PTPN12: variants seen among roughly 807,000 people sequenced by gnomAD.
PTPN12 encodes the protein protein tyrosine phosphatase non-receptor type 12, also known as tyrosine-protein phosphatase non-receptor type 12.
PTPN12 carries 29 observed loss-of-function variants against 97.6 expected under a neutral mutation model. The ratio of observed to expected loss-of-function variants is 0.30; its 90% CI spans 0.22 to 0.41. PTPN12 has a LOEUF of 0.41. PTPN12 is among the 10% of genes least tolerant of loss of function. The probability of loss-of-function intolerance (pLI) is 1.00; values close to 1 mark genes in which losing one functional copy is unlikely to be tolerated. For synonymous variants in PTPN12, 327 were observed against 300.4 expected, an observed-to-expected ratio of 1.09 and a Z score of -0.91; for missense variants, 819 against 926.0, an observed-to-expected ratio of 0.88 and a Z score of 1.50.
In PTPN12 at chr7:77,561,449, G is replaced by T. The variant is rs190256635; in HGVS notation, c.100-9629G>T. Among the ~76,000 whole-genome samples, 185 of 152,268 alleles carry T rather than the reference G, an allele frequency of 1.2e-3. 1 individual carries two copies. The highest frequency in any genetic ancestry group is 4.4e-3 in the African/African-American group (181 of 41,546). On this transcript the variant is annotated intron_variant, in intron 1 of 17. Coordinates refer to ENST00000248594, the MANE Select transcript of PTPN12 (RefSeq NM_002835.4). ...ATTTTCAGAGGGTGTAGGAGTTAGTGGTTCACCAGGAAGTGTAGTTTCTCT... is the reference window on the plus strand; with the variant it reads ...ATTTTCAGAGGGTGTAGGAGTTAGTTGTTCACCAGGAAGTGTAGTTTCTCT...
chr7:77,600,731 A>G lies in PTPN12; in HGVS notation c.620A>G (p.Asp207Gly), dbSNP rs781708751. Residue 207 changes from aspartate (D) to glycine (G), a missense_variant, in exon 8 of 18, where the codon GAT (aspartate) becomes GGT (glycine). Transcript: ENST00000248594. ...GACCATGATGTTCCTTCATCATTTG[A>G]TTCTATTCTGGACATGATAAGCTTA... ...WPDHDVPSSF[D>G]SILDMISLMR... 2 of 1,611,568 alleles carry G rather than the reference A, an allele frequency of 1.2e-6. No individual in the cohort carries two copies. Among genetic ancestry groups the G allele is most frequent in the South Asian group, 1.1e-5 (1 of 90,940 alleles).
chr7:77,566,083 A>G (rs1468051480), intron 1 of PTPN12, among the ~76,000 whole-genome samples: 2 of 152,240 alleles, frequency 1.3e-5, no homozygotes, highest in Non-Finnish European at 2.9e-5. Flanking sequence ...AAAGCCTTCA[A>G]AAAGGAAATA....
intron 5 of PTPN12, among the ~76,000 whole-genome samples, chr7:77,586,643 G>T (rs1787701900): frequency 6.6e-6 from 1 of 152,172 alleles, no homozygotes; most frequent in Admixed American, 6.6e-5. Context: ...TTTCATGAAA[G>T]ATTGCTCTGT....
chr7:77,547,831 G>A (rs1407513806), intron 1 of PTPN12, among the ~76,000 whole-genome samples: 1 of 152,224 alleles, frequency 6.6e-6, no homozygotes, highest in Non-Finnish European at 1.5e-5. Context: ...AAGACTTGGA[G>A]ATAAACAGAG....
intron 1 of PTPN12, among the ~76,000 whole-genome samples, chr7:77,544,928 T>C (rs573969539): frequency 9.5e-4 from 145 of 152,292 alleles, no homozygotes; most frequent in African/African-American, 3.2e-3. Context: ...CTTCTTCCCC[T>C]CCTACACAGA....
chr7:77,596,213 C>G (rs1562736943), intron 6 of PTPN12, among the ~76,000 whole-genome samples: 2 of 151,920 alleles, frequency 1.3e-5, no homozygotes, highest in African/African-American at 4.8e-5. Context: ...CTTACAAAAG[C>G]AAATTGATGT....
chr7:77,559,733 C>G (rs561863155), intron 1 of PTPN12, among the ~76,000 whole-genome samples: 1 of 151,690 alleles, frequency 6.6e-6, no homozygotes, highest in Non-Finnish European at 1.5e-5. Flanking sequence ...AATTCACTGA[C>G]TATGTGATGT....
At chr7:77,564,776 T>TTTTTTTTTTTTTTTTTTTTTTTTA (rs1808185867) in intron 1 of PTPN12, among the ~76,000 whole-genome samples, 1 of 134,114 alleles carries the variant, frequency 7.5e-6, no homozygotes, top group Non-Finnish European at 1.6e-5. Context: ...TTTTTTTTTT[T>TTTTTTTTTTTTTTTTTTTTTTTTA]GAGACGGAAT....
At chr7:77,569,534 G>T (rs1327751567) in intron 1 of PTPN12, among the ~76,000 whole-genome samples, 4 of 152,152 alleles carry the variant, frequency 2.6e-5, no homozygotes, top group Non-Finnish European at 5.9e-5. Flanking sequence ...ACTTTGGAAG[G>T]CTGAGGCGGG....
At chr7:77,587,695 A>C (rs1371506531) in intron 5 of PTPN12, among the ~76,000 whole-genome samples, 2 of 152,224 alleles carry the variant, frequency 1.3e-5, no homozygotes, top group African/African-American at 2.4e-5. Flanking sequence ...TCTTTTCTCT[A>C]GTTCTGAAAA....
intron 1 of PTPN12, among the ~76,000 whole-genome samples, chr7:77,566,710 T>G (rs1207910666): frequency 6.6e-6 from 1 of 150,964 alleles, no homozygotes; most frequent in Non-Finnish European, 1.5e-5. Flanking sequence ...GGCAACAGAG[T>G]GAGTCCCTGT....
intron 12 of PTPN12, 55 bp from the exon 13 acceptor site, chr7:77,626,650 G>C (rs1040428016): frequency 1.1e-5 from 16 of 1,504,704 alleles, no homozygotes; most frequent in Non-Finnish European, 1.3e-5. Flanking sequence ...ATAATTCTCA[G>C]GTATCAACTT....
chr7:77,611,073 A>G, intron 11 of PTPN12, 27 bp downstream of exon 11: 2 of 1,541,640 alleles, frequency 1.3e-6, no homozygotes, highest in Non-Finnish European at 1.8e-6. Flanking sequence ...TATTAATTTT[A>G]GGAAACTTTT....
At position 77,635,615 on chromosome 7, in the gene PTPN12, A is replaced by AT. The variant is rs57476200; in HGVS notation, c.2075-155dup. 8.7e-3 allele frequency among the ~76,000 whole-genome samples: 1,290 copies of AT among 147,442 alleles called. 5 individuals carry two copies. The highest frequency in any genetic ancestry group is 0.038 in the Middle Eastern group (11 of 286). ...TGTTCTCGAATTAATAGAAACTACA[A>AT]TTTTTTTTTTTTAGAAACTTCAGAA... On this transcript the variant is annotated intron_variant, in intron 14 of 17. Transcript: ENST00000248594.
rs535431994 is a variant in PTPN12 at position 77,595,116 on chromosome 7, G to T, written c.493-2726G>T. Among the ~76,000 whole-genome samples, 4 of 152,330 alleles carry T rather than the reference G, an allele frequency of 2.6e-5. No homozygotes were observed. The East Asian group carries it at 7.7e-4, about 29-fold the overall frequency. ...GATAACTTGAAAGGTCTCTAGATAAGTGGTTTGGTTTGATTTGATTAGTAA... is the reference window on the plus strand; with the variant it reads ...GATAACTTGAAAGGTCTCTAGATAATTGGTTTGGTTTGATTTGATTAGTAA... On this transcript the variant is annotated intron_variant, in intron 6 of 17. Coordinates refer to ENST00000248594, the MANE Select transcript of PTPN12 (RefSeq NM_002835.4).
chr7:77,637,944 A>ATTTTT lies in PTPN12; in HGVS notation c.2174-680_2174-679insTTTTT, dbSNP rs1421411134. Among the ~76,000 whole-genome samples the ATTTTT allele has an allele frequency of 2.1e-3, 188 of 89,498 alleles. 50 individuals are homozygous for ATTTTT. Among genetic ancestry groups the ATTTTT allele is most frequent in the East Asian group, 5.0e-3 (12 of 2,402 alleles). The allele number at this position is 89,498 out of a possible 152,430, so 58.7% of individuals were successfully genotyped here. On this transcript the variant is annotated intron_variant, in intron 16 of 17. Transcript: ENST00000248594. ...AACCCTGACCTTGTTGATTTCTTAAAATTTTTTTTTTTTTTTTTTTTTTTT... is the reference window on the plus strand; with the variant it reads ...AACCCTGACCTTGTTGATTTCTTAAATTTTTATTTTTTTTTTTTTTTTTTTTTTTT...
rs945717076 is a variant in PTPN12 at position 77,601,044 on chromosome 7, T to C, written c.695+238T>C. ...ATAGTATTCACATGGTGGGAAGCTA[T>C]AGAACATACTCTTTTTACTGTTCAC... On this transcript the variant is annotated intron_variant, in intron 8 of 17. Transcript: ENST00000248594. The C allele has an allele frequency of 3.1e-5, 13 of 417,224 alleles. 1 individual carries two copies. The Admixed American group carries it at 3.3e-4, about 11-fold the overall frequency. 25.8% of individuals were successfully genotyped at this position (417,224 alleles called of 1,614,324 possible).
At chr7:77,622,505 C>T (rs1012470984) in intron 12 of PTPN12, among the ~76,000 whole-genome samples, 3 of 152,134 alleles carry the variant, frequency 2.0e-5, no homozygotes, top group Non-Finnish European at 1.5e-5. Flanking sequence ...CGCAGTGGCT[C>T]ATGCCTGTAA....
Position 77,627,433 on chromosome 7 carries a change from A to G in PTPN12, c.1754A>G (p.Asp585Gly), listed in dbSNP as rs1159186355. Residue 585 changes from aspartate (D) to glycine (G), a missense_variant, in exon 13 of 18, where the codon GAT (aspartate) becomes GGT (glycine). Coordinates refer to ENST00000248594, the MANE Select transcript of PTPN12 (RefSeq NM_002835.4). ...QVETPDLVDHDNTSPLFRTPL... is the reference protein window; with the variant it reads ...QVETPDLVDHGNTSPLFRTPL... ...GAAACACCTGATCTTGTGGATCATG[A>G]TAACACTTCACCACTCTTCAGAACA... 7 of 1,614,150 alleles carry G rather than the reference A, an allele frequency of 4.3e-6. No individual in the cohort carries two copies. In the South Asian group the frequency reaches 6.6e-5, roughly 15 times the overall value.
Sources: allele counts gnomAD v4.1 joint callset (sites outside exome capture counted in the v4.1 genomes callset), GRCh38; gene constraint gnomAD v4.1.1; transcripts MANE v1.5; gene names NCBI Gene and HGNC (gene_info 2026-07-23, HGNC 2026-07-21).